ENOX1: variants seen among roughly 807,000 people sequenced by gnomAD.
ENOX1 encodes the protein candidate growth-related and time keeping constitutive hydroquinone (NADH) oxidase.
A neutral mutation model predicts 82.5 loss-of-function variants in ENOX1; 42 were observed. That is an observed-to-expected ratio of 0.51 (90% CI 0.40 to 0.66). The LOEUF is 0.66. Ranked by LOEUF, ENOX1 falls within the 30% of genes least tolerant of loss-of-function variation. ENOX1 has a pLI of 0.00. For synonymous variants in ENOX1, 271 were observed against 282.2 expected, an observed-to-expected ratio of 0.96 and a Z score of 0.40; for missense variants, 608 against 811.6, an observed-to-expected ratio of 0.75 and a Z score of 3.05.
At chr13:43,393,414 T>C (rs1399402610) in intron 5 of ENOX1, among the ~76,000 whole-genome samples, 1 of 152,202 alleles carries the variant, frequency 6.6e-6, no homozygotes, top group Non-Finnish European at 1.5e-5. Flanking sequence ...CAGGCTGAAG[T>C]TTTTTTATTC....
intron 3 of ENOX1, among the ~76,000 whole-genome samples, chr13:43,442,219 C>T (rs1161704681): frequency 2.0e-5 from 3 of 152,062 alleles, no homozygotes; most frequent in African/African-American, 7.2e-5. Context: ...CATTTTAAAA[C>T]CTGCATTTGA....
rs9316046 is a variant in ENOX1 at position 43,614,542 on chromosome 13, CT to C, written c.-219+52936del. Among the ~76,000 whole-genome samples the C allele has an allele frequency of 7.1e-4, 92 of 129,826 alleles. 2 individuals carry two copies. The highest frequency in any genetic ancestry group is 2.5e-3 in the African/African-American group (86 of 34,538). The allele number at this position is 129,826 out of a possible 152,430, so 85.2% of individuals were successfully genotyped here. On this transcript the variant is annotated intron_variant, in intron 2 of 16. Coordinates refer to ENST00000690772, the MANE Select transcript of ENOX1 (RefSeq NM_001347969.2). ...ATAAACATTTCCCCAAAATAAAGGG[CT>C]TTTTTTTTTTTTTTTAGCACTTGCT...
intron 15 of ENOX1, among the ~76,000 whole-genome samples, chr13:43,227,681 T>C (rs1352758003): frequency 6.6e-6 from 1 of 152,174 alleles, no homozygotes; most frequent in Non-Finnish European, 1.5e-5. Flanking sequence ...AAAATCAGAT[T>C]AGAAGTCCTG....
At chr13:43,298,066 G>T (rs935137840) in intron 12 of ENOX1, among the ~76,000 whole-genome samples, 2 of 152,194 alleles carry the variant, frequency 1.3e-5, no homozygotes, top group Non-Finnish European at 2.9e-5. Flanking sequence ...TTGCCATGGG[G>T]CTATATTTCA....
At chr13:43,683,249 C>T (rs958338222) in intron 1 of ENOX1, among the ~76,000 whole-genome samples, 1 of 152,072 alleles carries the variant, frequency 6.6e-6, no homozygotes, top group African/African-American at 2.4e-5. Flanking sequence ...CCCCACCCAA[C>T]ACCATACCAG....
chr13:43,514,351 T>C (rs2077481114), intron 2 of ENOX1, among the ~76,000 whole-genome samples: 1 of 152,210 alleles, frequency 6.6e-6, no homozygotes, highest in Non-Finnish European at 1.5e-5. Context: ...ATTTAAATGT[T>C]TGTATCTAGC....
intron 15 of ENOX1, among the ~76,000 whole-genome samples, chr13:43,228,764 A>G (rs2042139592): frequency 6.6e-6 from 1 of 152,240 alleles, no homozygotes; most frequent in East Asian, 1.9e-4. Flanking sequence ...TAAGATAGGC[A>G]AGGGGCTGGT....
chr13:43,340,927 T>C (rs996391130), intron 9 of ENOX1, among the ~76,000 whole-genome samples: 2 of 152,232 alleles, frequency 1.3e-5, no homozygotes, highest in African/African-American at 4.8e-5. Context: ...TCCTTTGTGA[T>C]GCCTGCTATA....
chr13:43,649,803 C>T (rs1439834649), intron 2 of ENOX1, among the ~76,000 whole-genome samples: 1 of 152,090 alleles, frequency 6.6e-6, no homozygotes, highest in Non-Finnish European at 1.5e-5. Context: ...GGCCTCCTAG[C>T]GCTACAGATA....
At chr13:43,460,793 C>CAAAAAAAAAAAAAAA (rs1312983530) in intron 3 of ENOX1, among the ~76,000 whole-genome samples, 5 of 25,726 alleles carry the variant, frequency 1.9e-4, no homozygotes, top group African/African-American at 3.8e-4. Context: ...GACTCCATCT[C>CAAAAAAAAAAAAAAA]AAAAAAAAAA....
intron 3 of ENOX1, among the ~76,000 whole-genome samples, chr13:43,433,398 G>T (rs950471434): frequency 1.3e-5 from 2 of 152,032 alleles, no homozygotes; most frequent in Non-Finnish European, 2.9e-5. Flanking sequence ...CCTCCTATTA[G>T]ACCCACCTCC....
chr13:43,667,633 GTTTCGCCTGC>G, intron 1 of ENOX1, 89 bp from the exon 2 acceptor site: 1 of 337,284 alleles, frequency 3.0e-6, no homozygotes, highest in Non-Finnish European at 4.2e-6. Context: ...CAGATGCAAG[GTTTCGCCTGC>G]AAAGTTCGAG....
rs150340343 is a variant in ENOX1 at position 43,680,601 on chromosome 13, T to G, written c.-284-13057A>C. Among the ~76,000 whole-genome samples, 417 of 152,284 alleles carry G rather than the reference T, an allele frequency of 2.7e-3. 1 individual carries two copies. Among genetic ancestry groups the G allele is most frequent in the Admixed American group, 4.4e-3 (68 of 15,282 alleles). On this transcript the variant is annotated intron_variant, in intron 1 of 16. Transcript: ENST00000690772. Reference sequence around the variant, plus strand: ...TAATTAACTGTAAAACTTCGGCAAGTTATTTAACCTCTCTGATTCAGTGTC... The same window carrying G: ...TAATTAACTGTAAAACTTCGGCAAGGTATTTAACCTCTCTGATTCAGTGTC...
chr13:43,470,285 T>TATATATAC (rs1566305516), intron 3 of ENOX1, among the ~76,000 whole-genome samples: 2 of 35,000 alleles, frequency 5.7e-5, no homozygotes, highest in African/African-American at 1.6e-4. Context: ...TATATATACA[T>TATATATAC]ATATATATAC....
At chr13:43,669,079 G>A (rs1467276671) in intron 1 of ENOX1, among the ~76,000 whole-genome samples, 2 of 152,148 alleles carry the variant, frequency 1.3e-5, no homozygotes, top group Non-Finnish European at 2.9e-5. Context: ...CTCAGAAGTC[G>A]GCTGCAAACT....
chr13:43,535,254 A>G (rs902619404), intron 2 of ENOX1, among the ~76,000 whole-genome samples: 4 of 152,228 alleles, frequency 2.6e-5, no homozygotes, highest in Admixed American at 6.5e-5. Context: ...GTTTAGAAAT[A>G]CAAACACATT....
intron 3 of ENOX1, among the ~76,000 whole-genome samples, chr13:43,416,695 C>A (rs544529394): frequency 7.0e-6 from 1 of 143,880 alleles, no homozygotes; most frequent in Non-Finnish European, 1.5e-5. Context: ...GATGGGGTGG[C>A]GGCCAGGCAG....
intron 2 of ENOX1, among the ~76,000 whole-genome samples, chr13:43,598,306 T>C (rs1449220052): frequency 1.3e-5 from 2 of 152,142 alleles, no homozygotes; most frequent in African/African-American, 4.8e-5. Flanking sequence ...AGAGTTTTTG[T>C]CCATTTTGCT....
At chr13:43,300,265 T>C (rs2046498447) in intron 11 of ENOX1, among the ~76,000 whole-genome samples, 1 of 152,122 alleles carries the variant, frequency 6.6e-6, no homozygotes, top group Non-Finnish European at 1.5e-5. Flanking sequence ...CTTAATCTAG[T>C]AGAAACTGAC....
Sources: gnomAD v4.1 joint callset for allele counts (sites outside exome capture counted in the v4.1 genomes callset) on GRCh38, gnomAD v4.1.1 for gene constraint, MANE v1.5 for transcripts, NCBI Gene and HGNC (gene_info 2026-07-23, HGNC 2026-07-21) for gene names.